The following RGS6 variants were observed in gnomAD, a reference collection of about 807,000 sequenced individuals.
RGS6 encodes the protein regulator of G protein signaling 6.
In RGS6, 30 loss-of-function variants were observed where a neutral mutation model predicts 78.5. That is an observed-to-expected ratio of 0.38 (90% CI 0.29 to 0.52). The LOEUF (loss-of-function observed/expected upper bound fraction) is 0.52, where lower values mean the gene tolerates loss of function less well. Ranked by LOEUF, RGS6 falls within the 20% of genes least tolerant of loss-of-function variation. The pLI, the probability that RGS6 is intolerant of heterozygous loss-of-function variation, is 0.85. For synonymous variants in RGS6, 206 were observed against 206.0 expected, an observed-to-expected ratio of 1.00 and a Z score of 0.00; for missense variants, 495 against 609.7, an observed-to-expected ratio of 0.81 and a Z score of 1.98.
At chr14:72,588,073 T>G in the RGS6 span, among the ~76,000 whole-genome samples, 3 of 152,036 alleles carry the variant, frequency 2.0e-5, no homozygotes, top group Admixed American at 6.6e-5. Context: ...TCCCTAGGGA[T>G]TCCCAGGAAT....
intron 2 of RGS6, among the ~76,000 whole-genome samples, chr14:72,045,638 G>T (rs1251856620): frequency 2.0e-5 from 3 of 151,808 alleles, no homozygotes; most frequent in African/African-American, 7.3e-5. Flanking sequence ...CTACATACCA[G>T]TTTCTTAGTG....
chr14:72,039,540 A>C (rs1437422135), intron 2 of RGS6, among the ~76,000 whole-genome samples: 1 of 152,024 alleles, frequency 6.6e-6, no homozygotes, highest in Non-Finnish European at 1.5e-5. Context: ...ATGTGCATGG[A>C]ATATCTTTTT....
intron 17 of RGS6, among the ~76,000 whole-genome samples, chr14:72,543,689 C>T (rs1320026662): frequency 2.6e-5 from 4 of 152,168 alleles, no homozygotes; most frequent in African/African-American, 9.7e-5. Context: ...CCTGGTTTTG[C>T]AGTTGACAGA....
chr14:72,344,542 T>C (rs1030260335), intron 2 of RGS6, among the ~76,000 whole-genome samples: 3 of 152,186 alleles, frequency 2.0e-5, no homozygotes, highest in Admixed American at 6.5e-5. Flanking sequence ...TTTTAATATA[T>C]TGAGTCCCAC....
At chr14:72,612,993 C>CGTGTGT in the RGS6 span, among the ~76,000 whole-genome samples, 31,612 of 148,676 alleles carry the variant, frequency 0.21, 3,796 homozygotes, top group Admixed American at 0.3. Flanking sequence ...TTAAGTAGGG[C>CGTGTGT]GTGTGTGTGT....
At chr14:71,926,954 CAGCATCT>C in the RGS6 span, among the ~76,000 whole-genome samples, 1 of 152,188 alleles carries the variant, frequency 6.6e-6, no homozygotes, top group South Asian at 2.1e-4. Flanking sequence ...GTGGAAATCC[CAGCATCT>C]AGCAGGAAGG....
chr14:71,943,635 C>T (rs2091007727), intron 1 of RGS6, among the ~76,000 whole-genome samples: 2 of 152,080 alleles, frequency 1.3e-5, no homozygotes, highest in African/African-American at 4.8e-5. Context: ...GCCAAAGATG[C>T]CTCTGTTTCC....
intron 17 of RGS6, among the ~76,000 whole-genome samples, chr14:72,548,159 A>G (rs2097436561): frequency 6.6e-6 from 1 of 152,188 alleles, no homozygotes; most frequent in Non-Finnish European, 1.5e-5. Flanking sequence ...TGGCCCATCC[A>G]ATAACCTTTT....
chr14:72,076,777 C>T (rs2094588157), intron 2 of RGS6, among the ~76,000 whole-genome samples: 1 of 152,050 alleles, frequency 6.6e-6, no homozygotes, highest in Admixed American at 6.6e-5. Context: ...AGTAATCCTC[C>T]CACCTCAGCC....
chr14:72,047,447 G>A (rs1596564107), intron 2 of RGS6, among the ~76,000 whole-genome samples: 2 of 152,266 alleles, frequency 1.3e-5, no homozygotes, highest in Admixed American at 1.3e-4. Context: ...AGTGAAGCTG[G>A]CGATATGTCC....
chr14:72,398,874 C>T (rs1028178358), intron 3 of RGS6, among the ~76,000 whole-genome samples: 2 of 152,150 alleles, frequency 1.3e-5, no homozygotes, highest in African/African-American at 2.4e-5. Flanking sequence ...GAGTGAATTT[C>T]TTAATCCTGA....
At chr14:72,135,573 G>T (rs1459502808) in intron 2 of RGS6, among the ~76,000 whole-genome samples, 2 of 152,042 alleles carry the variant, frequency 1.3e-5, no homozygotes, top group Admixed American at 6.6e-5. Flanking sequence ...CGAGAGAGAG[G>T]TAAGGAATAG....
chr14:72,396,654 C>T (rs2091346935), intron 3 of RGS6, among the ~76,000 whole-genome samples: 1 of 152,126 alleles, frequency 6.6e-6, no homozygotes, highest in Non-Finnish European at 1.5e-5. Flanking sequence ...CCTAGGTTTT[C>T]TTGTAGGGTT....
the RGS6 span, among the ~76,000 whole-genome samples, chr14:72,576,038 GGCT>G: frequency 4.2e-4 from 64 of 152,202 alleles, no homozygotes; most frequent in Non-Finnish European, 7.2e-4. Context: ...GACAATCTGA[GGCT>G]GCAGCCATTT....
At chr14:71,975,573 C>A (rs569288037) in intron 2 of RGS6, among the ~76,000 whole-genome samples, 1 of 152,174 alleles carries the variant, frequency 6.6e-6, no homozygotes, top group South Asian at 2.1e-4. Flanking sequence ...ATTCTCCTGC[C>A]CCAACCTCCC....
chr14:72,051,763 CTT>C (rs1443489951), intron 2 of RGS6, among the ~76,000 whole-genome samples: 1 of 152,194 alleles, frequency 6.6e-6, no homozygotes, highest in Non-Finnish European at 1.5e-5. Flanking sequence ...ACAGCCATAA[CTT>C]TTAGTATGTG....
chr14:71,956,525 T>C (rs1285452012), intron 1 of RGS6, among the ~76,000 whole-genome samples: 1 of 151,876 alleles, frequency 6.6e-6, no homozygotes, highest in Non-Finnish European at 1.5e-5. Context: ...ACTGAAGAAC[T>C]TGTAGTCCCA....
At chr14:72,285,787 T>C (rs2062429938) in intron 2 of RGS6, among the ~76,000 whole-genome samples, 1 of 152,236 alleles carries the variant, frequency 6.6e-6, no homozygotes, top group African/African-American at 2.4e-5. Context: ...ACTTTTCATA[T>C]ACTTGTTGGC....
intron 1 of RGS6, among the ~76,000 whole-genome samples, chr14:71,935,264 A>G (rs968980888): frequency 6.6e-6 from 1 of 152,228 alleles, no homozygotes; most frequent in Admixed American, 6.5e-5. Context: ...ATATTTAGCT[A>G]TTGAAACAGT....
Sources: gnomAD v4.1 joint callset for allele counts (sites outside exome capture counted in the v4.1 genomes callset) on GRCh38, gnomAD v4.1.1 for gene constraint, MANE v1.5 for transcripts, NCBI Gene and HGNC (gene_info 2026-07-23, HGNC 2026-07-21) for gene names.